Variants in CPA5 observed in about 807,000 individuals in gnomAD.
CPA5 encodes testicular tissue protein Li 32.
Under a neutral mutation model 52.2 loss-of-function variants are expected in CPA5, and 38 were observed. That is an observed-to-expected ratio of 0.73 (90% CI 0.56 to 0.95). The LOEUF is 0.95. Among genes scored for constraint, CPA5 ranks in the 40% least tolerant of loss-of-function variants. The pLI is 0.00. For synonymous variants in CPA5, 198 were observed against 213.7 expected (o/e 0.93, Z 0.64); for missense variants, 519 against 566.7 (o/e 0.92, Z 0.86).
chr7:130,348,295 C>T (rs1453437557), intron 4 of CPA5, among the ~76,000 whole-genome samples: 3 of 152,206 alleles, frequency 2.0e-5, no homozygotes, highest in Admixed American at 2.0e-4. Flanking sequence ...TTCCTGAGAA[C>T]ATTTGTCCTC....
chr7:130,351,404 A>G (rs1554403934), intron 5 of CPA5, among the ~76,000 whole-genome samples: 1 of 152,040 alleles, frequency 6.6e-6, no homozygotes, highest in African/African-American at 2.4e-5. Flanking sequence ...TGATTTCTGC[A>G]CATCAGGGAC....
intron 5 of CPA5, among the ~76,000 whole-genome samples, chr7:130,356,684 C>T (rs1296795652): frequency 6.6e-6 from 1 of 152,246 alleles, no homozygotes; most frequent in Non-Finnish European, 1.5e-5. Context: ...CCTCCAAGCT[C>T]TTGTGTGGAA....
At chr7:130,351,726 G>A (rs1347040571) in intron 5 of CPA5, among the ~76,000 whole-genome samples, 5 of 152,150 alleles carry the variant, frequency 3.3e-5, no homozygotes, top group East Asian at 1.9e-4. Flanking sequence ...CTAACAGGAC[G>A]GGAAGAGCTT....
At chr7:130,361,343 G>A in intron 7 of CPA5, 99 bp downstream of exon 7, 2 of 825,214 alleles carry the variant, frequency 2.4e-6, no homozygotes, top group Non-Finnish European at 2.0e-6. Flanking sequence ...GTTTTGCGGA[G>A]AAGGACAATT....
chr7:130,362,975 T>C lies in CPA5; in HGVS notation c.728T>C (p.Phe243Ser). 1 of 1,611,500 alleles carries C rather than the reference T, an allele frequency of 6.2e-7. No individual in the cohort carries two copies. Among genetic ancestry groups the C allele is most frequent in the Non-Finnish European group, 8.5e-7 (1 of 1,177,662 alleles). The change falls in exon 9 of 13, where the codon TTT becomes TCT. Residue 243 changes from phenylalanine to serine, a missense_variant. Transcript: ENST00000474905. ...GAGCTCGTCACAAACCCTGATGGGT[T>C]TGCTTTTACCCACAGCATGGTGAGG... ...FIELVTNPDG[F>S]AFTHSMNRLW...
In CPA5 at chr7:130,363,378, T is replaced by C. The variant is rs376667161; in HGVS notation, c.748-41T>C. The C allele has an allele frequency of 4.6e-6, 7 of 1,512,216 alleles. No homozygotes were observed. In the African/African-American group the frequency reaches 9.6e-5, roughly 21 times the overall value. 93.7% of individuals were successfully genotyped at this position (1,512,216 alleles called of 1,614,324 possible). A position where few individuals can be genotyped will look rare whatever the true frequency, so the allele number is the denominator to read the frequency against. On this transcript the variant is annotated intron_variant, in intron 9 of 12. Transcript: ENST00000474905. ...TATCAGAGGCTCCCATCCCTGGGAA[T>C]GGGCCCAGTGAATGAGGTCACCTGT...
At chr7:130,357,587 T>A (rs1554405524) in intron 5 of CPA5, among the ~76,000 whole-genome samples, 1 of 149,882 alleles carries the variant, frequency 6.7e-6, no homozygotes, top group Admixed American at 6.7e-5. Flanking sequence ...CACGCCACTG[T>A]ACTCCAGCCT....
chr7:130,369,651 A>C (rs572945207), downstream of CPA5, among the ~76,000 whole-genome samples: 19 of 151,806 alleles, frequency 1.3e-4, no homozygotes, highest in Admixed American at 7.9e-4. Flanking sequence ...GTGTGTGTGC[A>C]TGTGTGTGCA....
At chr7:130,359,925 G>C (rs1454809873) in intron 6 of CPA5, among the ~76,000 whole-genome samples, 4 of 152,204 alleles carry the variant, frequency 2.6e-5, no homozygotes, top group Non-Finnish European at 4.4e-5. Flanking sequence ...GCCCTAGACA[G>C]GTACAGAGCA....
In CPA5 at chr7:130,356,096, G is replaced by A. The variant is rs190412898; in HGVS notation, c.334-3493G>A. Among the ~76,000 whole-genome samples, 257 of 152,304 alleles carry A rather than the reference G, an allele frequency of 1.7e-3. 5 individuals are homozygous for A. The highest frequency in any genetic ancestry group is 0.014 in the Admixed American group (207 of 15,296). On this transcript the variant is annotated intron_variant, in intron 5 of 12. Transcript: ENST00000474905. ...GGAAGAGAAGGCCAGGAACGTGGGA[G>A]GAGAGGCAGCGGCTGCTGTCCCAGA...
At chr7:130,352,264 G>T (rs781954730) in intron 5 of CPA5, among the ~76,000 whole-genome samples, 5 of 152,068 alleles carry the variant, frequency 3.3e-5, no homozygotes, top group Non-Finnish European at 5.9e-5. Context: ...GACACAGAGA[G>T]CCCTACTGTG....
At chr7:130,345,604 C>T (rs564168626) in intron 1 of CPA5, 1 of 152,306 alleles carries the variant, frequency 6.6e-6, no homozygotes, top group South Asian at 2.1e-4. Flanking sequence ...CTGCGGTGAC[C>T]TTCATGTCTA....
At chr7:130,348,192 A>G (rs1554402886) in intron 4 of CPA5, among the ~76,000 whole-genome samples, 1 of 152,180 alleles carries the variant, frequency 6.6e-6, no homozygotes, top group Non-Finnish European at 1.5e-5. Context: ...GCCACGTAGC[A>G]TGGAGGTTGG....
chr7:130,362,159 A>C (rs1554406814), intron 7 of CPA5, among the ~76,000 whole-genome samples: 1 of 152,172 alleles, frequency 6.6e-6, no homozygotes, highest in Non-Finnish European at 1.5e-5. Flanking sequence ...TGCCCATTAG[A>C]GTTTGAGAAA....
downstream of CPA5, among the ~76,000 whole-genome samples, chr7:130,370,224 G>A (rs1164067617): frequency 2.0e-5 from 3 of 152,270 alleles, no homozygotes; most frequent in Non-Finnish European, 4.4e-5. Context: ...TAGAAGCCCT[G>A]AGGAAGTGAG....
chr7:130,349,599 C>A (rs147776251), intron 4 of CPA5, among the ~76,000 whole-genome samples: 2 of 152,070 alleles, frequency 1.3e-5, no homozygotes, highest in South Asian at 2.1e-4. Context: ...GTCTGTAACA[C>A]AAAGAATACG....
intron 4 of CPA5, among the ~76,000 whole-genome samples, chr7:130,348,422 C>T (rs1489765662): frequency 1.3e-5 from 2 of 152,194 alleles, no homozygotes; most frequent in Admixed American, 6.5e-5. Context: ...GCCCTTGCTC[C>T]TACTTGTCTG....
In CPA5 at chr7:130,359,584, C is replaced by A; in HGVS notation, c.334-5C>A. ...CCTTTCCAATATGTGTTCCCCATCA[C>A]CCAGGTGCTGCTGGATGAGGAAAGA... On this transcript the variant is annotated splice_region_variant and splice_polypyrimidine_tract_variant and intron_variant, in intron 5 of 12. Coordinates refer to ENST00000474905, the MANE Select transcript of CPA5 (RefSeq NM_080385.5). The A allele has an allele frequency of 1.3e-6, 2 of 1,555,478 alleles. No individual in the cohort carries two copies. The highest frequency in any genetic ancestry group is 1.7e-6 in the Non-Finnish European group (2 of 1,147,898).
intron 6 of CPA5, 38 bp from the exon 7 acceptor site, chr7:130,361,105 T>G: frequency 1.5e-6 from 2 of 1,358,494 alleles, no homozygotes; most frequent in Non-Finnish European, 2.1e-6. Flanking sequence ...TCCCTCTTCC[T>G]GCTTAACTGC....
Sources: gnomAD v4.1 joint callset for allele counts (sites outside exome capture counted in the v4.1 genomes callset) on GRCh38, gnomAD v4.1.1 for gene constraint, MANE v1.5 for transcripts, NCBI Gene and HGNC (gene_info 2026-07-23, HGNC 2026-07-21) for gene names.